The following FAM120C variants were observed in gnomAD, a reference collection of about 807,000 sequenced individuals.
The protein encoded by FAM120C is family with sequence similarity 120 member C, also known as constitutive coactivator of PPAR-gamma-like protein 2.
Under a neutral mutation model 71.2 loss-of-function variants are expected in FAM120C, and 14 were observed. That is an observed-to-expected ratio of 0.20 (90% CI 0.13 to 0.31). The LOEUF is 0.31. Ranked by LOEUF, FAM120C falls within the 10% of genes least tolerant of loss-of-function variation. The pLI is 1.00. For synonymous variants in FAM120C, 354 were observed against 353.2 expected (o/e 1.00, Z -0.03); for missense variants, 500 against 879.0 (o/e 0.57, Z 5.45).
intron 10 of FAM120C, among the ~76,000 whole-genome samples, chrX:54,112,770 G>A (rs1557125929): frequency 1.8e-5 from 2 of 108,851 alleles, no homozygotes; most frequent in Non-Finnish European, 3.8e-5. Flanking sequence ...GAACCTGGGA[G>A]GCGGAGCTTG....
intron 4 of FAM120C, among the ~76,000 whole-genome samples, chrX:54,139,458 G>A (rs2067112626): frequency 9.3e-6 from 1 of 108,000 alleles, no homozygotes. Context: ...TCCTGCCTCA[G>A]CCTCCCGAGT....
intron 11 of FAM120C, among the ~76,000 whole-genome samples, chrX:54,090,494 G>T (rs998884594): frequency 9.1e-6 from 1 of 109,954 alleles, no homozygotes; most frequent in African/African-American, 3.3e-5. Context: ...GCCTCCCAAA[G>T]TGCTGGGATT....
chrX:54,077,167 G>C (rs1327427288), intron 15 of FAM120C, among the ~76,000 whole-genome samples: 4 of 111,185 alleles, frequency 3.6e-5, no homozygotes, highest in Non-Finnish European at 5.7e-5. Flanking sequence ...CTTGCCCTTA[G>C]AGAAAGAAAG....
intron 12 of FAM120C, among the ~76,000 whole-genome samples, 186 bp downstream of exon 12, chrX:54,087,569 T>A (rs2066801285): frequency 9.0e-6 from 1 of 111,147 alleles, no homozygotes; most frequent in Admixed American, 9.7e-5. Flanking sequence ...CAACATAAAA[T>A]TTTACAACAT....
chrX:54,172,128 T>C (rs1193454240), intron 1 of FAM120C, among the ~76,000 whole-genome samples: 1 of 112,615 alleles, frequency 8.9e-6, no homozygotes, highest in Non-Finnish European at 1.9e-5. Context: ...TGTGAAGGTA[T>C]TTCTGAACAA....
intron 4 of FAM120C, among the ~76,000 whole-genome samples, chrX:54,150,545 C>T (rs1312135607): frequency 9.0e-6 from 1 of 111,627 alleles, no homozygotes; most frequent in Admixed American, 9.6e-5. Flanking sequence ...TAGTCTCAAA[C>T]TCCTAAGCTC....
At chrX:54,116,305 G>A (rs1314528419) in intron 10 of FAM120C, among the ~76,000 whole-genome samples, 1 of 111,245 alleles carries the variant, frequency 9.0e-6, no homozygotes, top group East Asian at 2.8e-4. Context: ...GACGAGGACT[G>A]AACAAGACAA....
At chrX:54,157,461 G>C (rs1035447193) in intron 3 of FAM120C, among the ~76,000 whole-genome samples, 4 of 111,230 alleles carry the variant, frequency 3.6e-5, no homozygotes, top group African/African-American at 1.3e-4. Context: ...CACCATGTTG[G>C]CCAGGCTGGT....
chrX:54,090,531 G>A (rs182208054), intron 11 of FAM120C, among the ~76,000 whole-genome samples: 48 of 109,716 alleles, frequency 4.4e-4, no homozygotes, highest in African/African-American at 1.5e-3. Context: ...TCTCTCTTAC[G>A]TGCCCTCTCT....
intron 2 of FAM120C, among the ~76,000 whole-genome samples, chrX:54,159,027 A>C (rs1343349975): frequency 1.8e-5 from 2 of 112,194 alleles, no homozygotes; most frequent in Non-Finnish European, 3.8e-5. Context: ...AGAAATGTTA[A>C]TGCTCTGTGT....
rs1220314331 is a variant in FAM120C, at chrX:54,178,795, T to C, written c.699+3705A>G. Among the ~76,000 whole-genome samples, 3 of 111,783 alleles carry C rather than the reference T, an allele frequency of 2.7e-5. No individual in the cohort carries two copies. The Admixed American group carries it at 2.8e-4, about 11-fold the overall frequency. On this transcript the variant is annotated intron_variant, in intron 1 of 15. Coordinates refer to ENST00000375180, the MANE Select transcript of FAM120C (RefSeq NM_017848.6). Reference sequence around the variant, plus strand: ...TATTCTAGAGAACCAAAGCACAAAATGGTATCTGTTCTCAAAGTCTGGTTA... The same window carrying C: ...TATTCTAGAGAACCAAAGCACAAAACGGTATCTGTTCTCAAAGTCTGGTTA...
chrX:54,118,181 C>T (rs2066982626), intron 9 of FAM120C, among the ~76,000 whole-genome samples: 1 of 108,647 alleles, frequency 9.2e-6, no homozygotes, highest in African/African-American at 3.4e-5. Flanking sequence ...CAAGATTGTG[C>T]CATTGGACTC....
At chrX:54,153,723 A>G (rs1399849847) in intron 3 of FAM120C, among the ~76,000 whole-genome samples, 1 of 110,458 alleles carries the variant, frequency 9.1e-6, no homozygotes, top group Admixed American at 9.8e-5. Context: ...GAGCACCACC[A>G]TGCCCAGCTA....
In FAM120C at chrX:54,165,259, T is replaced by C. The variant is rs1218841369; in HGVS notation, c.700-5643A>G. Among the ~76,000 whole-genome samples the C allele has an allele frequency of 2.7e-5, 3 of 111,867 alleles. No homozygotes were observed. The Admixed American group carries it at 2.9e-4, about 11-fold the overall frequency. The stretch of plus-strand genomic sequence containing the variant: ...ATGGTTGCTTTGTTCAAATCAGGAT[T>C]CAAACAGAATCCACATGCTGTATTT... On this transcript the variant is annotated intron_variant, in intron 1 of 15. Coordinates refer to ENST00000375180, the MANE Select transcript of FAM120C (RefSeq NM_017848.6).
intron 8 of FAM120C, among the ~76,000 whole-genome samples, chrX:54,133,227 T>C: frequency 9.0e-6 from 1 of 111,620 alleles, no homozygotes; most frequent in South Asian, 3.8e-4. Flanking sequence ...TAGTCCCAGC[T>C]ACTCAGGAGG....
Position 54,183,015 on chromosome X carries a change from G to A in FAM120C, c.184C>T (p.Pro62Ser), listed in dbSNP as rs782334823. 8.6e-7 allele frequency: 1 copy of A among 1,158,788 alleles called. No homozygotes were observed. Among genetic ancestry groups the A allele is most frequent in the Admixed American group, 2.6e-5 (1 of 38,609 alleles). ...GAPRAARGSV[P>S]LQPPLPPAAL... ...GCGGGCGGAAGCGGCGGTTGCAGAG[G>A]CACGGAGCCCCTGGCGGCGCGTGGA... The change falls in exon 1 of 16, where the codon CCT becomes TCT. Residue 62 changes from proline to serine, a missense_variant. Pro to Ser is a moderately conservative substitution (Grantham distance 74). This residue lies in a region of FAM120C where 79 missense variants were observed against 78.3 expected (regional missense o/e 1.01). Coordinates refer to ENST00000375180, the MANE Select transcript of FAM120C (RefSeq NM_017848.6).
At chrX:54,138,827 C>A (rs1434096185) in intron 4 of FAM120C, among the ~76,000 whole-genome samples, 3 of 112,033 alleles carry the variant, frequency 2.7e-5, no homozygotes, top group Non-Finnish European at 5.6e-5. Context: ...AACAAACAAA[C>A]AAACAAAAAG....
chrX:54,176,853 AAG>A (rs2067321136), intron 1 of FAM120C, among the ~76,000 whole-genome samples: 2 of 111,571 alleles, frequency 1.8e-5, no homozygotes, highest in African/African-American at 6.5e-5. Flanking sequence ...ACTCATTTAA[AAG>A]AGAATTATGC....
chrX:54,085,183 T>C (rs1009812195), intron 13 of FAM120C, among the ~76,000 whole-genome samples: 4 of 112,342 alleles, frequency 3.6e-5, no homozygotes, highest in African/African-American at 1.3e-4. Flanking sequence ...AGTCACTTCA[T>C]GAGTTTGGTT....
Sources: allele counts gnomAD v4.1 joint callset (sites outside exome capture counted in the v4.1 genomes callset), GRCh38; gene constraint gnomAD v4.1.1; regional missense constraint gnomAD v4.1.1; transcripts MANE v1.5; gene names NCBI Gene and HGNC (gene_info 2026-07-23, HGNC 2026-07-21).